NTNG1: variants seen among roughly 807,000 people sequenced by gnomAD.
The protein encoded by NTNG1 is netrin-G1.
NTNG1 carries 16 observed loss-of-function variants against 54.0 expected under a neutral mutation model. The ratio of observed to expected loss-of-function variants is 0.30; its 90% CI spans 0.20 to 0.45. The LOEUF is 0.45. Ranked by LOEUF, NTNG1 falls within the 20% of genes least tolerant of loss-of-function variation. NTNG1 has a pLI of 1.00. For synonymous variants in NTNG1, 255 were observed against 263.1 expected, an observed-to-expected ratio of 0.97 and a Z score of 0.30; for missense variants, 530 against 678.7, an observed-to-expected ratio of 0.78 and a Z score of 2.43.
chr1:107,459,461 C>T (rs954613391), intron 7 of NTNG1, among the ~76,000 whole-genome samples: 1 of 151,698 alleles, frequency 6.6e-6, no homozygotes, highest in African/African-American at 2.4e-5. Flanking sequence ...ACAGAGATGT[C>T]AGCCTAAAGA....
At position 107,164,764 on chromosome 1, in the gene NTNG1, A is replaced by C. The variant is rs189027690; in HGVS notation, c.246+15925A>C. 3.6e-3 allele frequency among the ~76,000 whole-genome samples: 543 copies of C among 152,294 alleles called. 4 individuals are homozygous for C. The highest frequency in any genetic ancestry group is 0.013 in the African/African-American group (523 of 41,546). On this transcript the variant is annotated intron_variant, in intron 2 of 7. Transcript: ENST00000370068. ...CTACATTTTTACAGCTGTTAGAAAC[A>C]AAACGCTTGTTCCTCAGTGCCACAA...
intron 2 of NTNG1, 41 bp from the exon 3 acceptor site, chr1:107,324,241 A>G: frequency 6.3e-7 from 1 of 1,586,824 alleles, no homozygotes; most frequent in Admixed American, 1.7e-5. Flanking sequence ...CTTGTGGCAA[A>G]CCAGTGTTTT....
At position 107,148,663 on chromosome 1, in the gene NTNG1, C is replaced by A. The variant is rs1654324113; in HGVS notation, c.70C>A (p.Pro24Thr). Residue 24 changes from proline to threonine, a missense_variant, in exon 2 of 8, where the codon CCT becomes ACT. Coordinates refer to ENST00000370068, the MANE Select transcript of NTNG1 (RefSeq NM_001113226.3). ...GGTGTCCTCAGTGATGCAGCCCTAC[C>A]CTTTGGTTTGGGGACATTATGATTT... ...VTVSSVMQPY[P>T]LVWGHYDLCK... 4.3e-6 allele frequency: 7 copies of A among 1,613,308 alleles called. No homozygotes were observed. Among genetic ancestry groups the A allele is most frequent in the Admixed American group, 1.7e-5 (1 of 59,942 alleles).
intron 2 of NTNG1, among the ~76,000 whole-genome samples, chr1:107,183,812 C>G (rs940310799): frequency 6.6e-6 from 1 of 152,124 alleles, no homozygotes; most frequent in Non-Finnish European, 1.5e-5. Context: ...TCCTGCACTC[C>G]TTAGCCCCCT....
chr1:107,431,511 T>C (rs1194378193), intron 6 of NTNG1, among the ~76,000 whole-genome samples: 1 of 152,140 alleles, frequency 6.6e-6, no homozygotes, highest in African/African-American at 2.4e-5. Flanking sequence ...TTCTCAAAAG[T>C]ATTCTAGGCA....
chr1:107,257,247 C>T (rs1662991236), intron 2 of NTNG1, among the ~76,000 whole-genome samples: 1 of 152,168 alleles, frequency 6.6e-6, no homozygotes, highest in Admixed American at 6.5e-5. Context: ...AGAAAAAAAT[C>T]TTAGGAGGTC....
intron 6 of NTNG1, among the ~76,000 whole-genome samples, chr1:107,432,503 C>G (rs1054865079): frequency 6.6e-6 from 1 of 152,114 alleles, no homozygotes; most frequent in Non-Finnish European, 1.5e-5. Flanking sequence ...AGTTTATGAA[C>G]AGAAGTTCAA....
At chr1:107,408,637 A>G (rs1307423763) in intron 5 of NTNG1, 1 of 151,256 alleles carries the variant, frequency 6.6e-6, no homozygotes. Context: ...TTTTTTTTAT[A>G]CATTGCACCC....
At chr1:107,303,475 A>G (rs1666451661) in intron 2 of NTNG1, among the ~76,000 whole-genome samples, 1 of 150,268 alleles carries the variant, frequency 6.7e-6, no homozygotes, top group African/African-American at 2.5e-5. Context: ...TTCAAAAATT[A>G]CAATGCAGAT....
rs1287433675 is a variant in NTNG1, at chr1:107,454,416, G to A, written c.1390+17617G>A. ...TTGCATGCAGAGGAGAGACCCTGCC[G>A]TAAAGTAGACACTGCTGAGACATAG... On this transcript the variant is annotated intron_variant, in intron 7 of 7. Transcript: ENST00000370068. 3.3e-5 allele frequency among the ~76,000 whole-genome samples: 5 copies of A among 152,134 alleles called. No homozygotes were observed. The East Asian group carries it at 5.8e-4, about 18-fold the overall frequency.
rs147563290 is a variant in NTNG1 at position 107,237,381 on chromosome 1, A to G, written c.247-86901A>G. 5.6e-4 allele frequency among the ~76,000 whole-genome samples: 85 copies of G among 152,322 alleles called. 2 individuals carry two copies. The East Asian group carries it at 0.015, about 26-fold the overall frequency. On this transcript the variant is annotated intron_variant, in intron 2 of 7. Transcript: ENST00000370068. ...CGTTTTTATAAAGAAAGCAGAGCAT[A>G]AAAGTTTGGAAAATATGCAGCCTGA... is the stretch of plus-strand genomic sequence containing the variant.
intron 2 of NTNG1, among the ~76,000 whole-genome samples, chr1:107,230,378 T>C (rs898586237): frequency 1.3e-5 from 2 of 152,122 alleles, no homozygotes; most frequent in Non-Finnish European, 2.9e-5. Context: ...GACAGATCTC[T>C]AGAAAGTCTG....
chr1:107,282,120 A>G (rs560529748), intron 2 of NTNG1, among the ~76,000 whole-genome samples: 2 of 152,320 alleles, frequency 1.3e-5, no homozygotes, highest in South Asian at 4.1e-4. Context: ...TCTTAAAACA[A>G]TAGGGGAAGT....
At chr1:107,345,479 C>T (rs1436315691) in intron 3 of NTNG1, among the ~76,000 whole-genome samples, 3 of 152,174 alleles carry the variant, frequency 2.0e-5, no homozygotes, top group Non-Finnish European at 2.9e-5. Context: ...AAGTTACAAA[C>T]ATAGCAGCAA....
At chr1:107,222,444 CTAACTT>C (rs1242017190) in intron 2 of NTNG1, among the ~76,000 whole-genome samples, 4 of 152,168 alleles carry the variant, frequency 2.6e-5, no homozygotes, top group African/African-American at 9.7e-5. Context: ...ATAACAGAGA[CTAACTT>C]TAGGGTTGGT....
At chr1:107,152,029 T>TACAC in intron 2 of NTNG1, among the ~76,000 whole-genome samples, 1 of 148,052 alleles carries the variant, frequency 6.8e-6, no homozygotes, top group African/African-American at 2.6e-5. Context: ...TACATATATA[T>TACAC]ATACATACAT....
intron 2 of NTNG1, among the ~76,000 whole-genome samples, chr1:107,214,973 G>A (rs1043211912): frequency 7.3e-4 from 110 of 151,576 alleles, no homozygotes; most frequent in African/African-American, 2.6e-3. Flanking sequence ...CTTTTTGATG[G>A]GATTGTTTGT....
intron 2 of NTNG1, among the ~76,000 whole-genome samples, chr1:107,248,240 A>G (rs17461280): frequency 0.081 from 12,381 of 152,158 alleles, 590 homozygotes; most frequent in Middle Eastern, 0.11. Flanking sequence ...TGTTAACCAG[A>G]TCATTCTGTT....
In NTNG1 at chr1:107,480,917, G is replaced by A; in HGVS notation, c.*77G>A. 9.0e-7 allele frequency: 1 copy of A among 1,110,088 alleles called. No homozygotes were observed. The highest frequency in any genetic ancestry group is 2.6e-5 in the East Asian group (1 of 38,504). The allele number at this position is 1,110,088 out of a possible 1,614,324, so 68.8% of individuals were successfully genotyped here. Reference sequence around the variant, plus strand: ...AACCCAAACATTTGCTACTAACATAGGAAACACACACATACAGACACCCCC... The same window carrying A: ...AACCCAAACATTTGCTACTAACATAAGAAACACACACATACAGACACCCCC... On this transcript the variant is annotated 3_prime_UTR_variant, in exon 8 of 8. Transcript: ENST00000370068.
Sources: gnomAD v4.1 joint callset for allele counts (sites outside exome capture counted in the v4.1 genomes callset) on GRCh38, gnomAD v4.1.1 for gene constraint, MANE v1.5 for transcripts, NCBI Gene and HGNC (gene_info 2026-07-23, HGNC 2026-07-21) for gene names.